Variants in SORCS1 observed in about 807,000 individuals in gnomAD.
SORCS1 encodes sortilin related VPS10 domain containing receptor 1.
Under a neutral mutation model 146.1 loss-of-function variants are expected in SORCS1, and 60 were observed. The ratio of observed to expected loss-of-function variants is 0.41; its 90% confidence interval spans 0.33 to 0.51. The LOEUF (loss-of-function observed/expected upper bound fraction) is 0.51, where lower values mean the gene tolerates loss of function less well. SORCS1 is among the 20% of genes least tolerant of loss of function. The probability of loss-of-function intolerance (pLI) is 0.21; values close to 1 mark genes in which losing one functional copy is unlikely to be tolerated. For synonymous variants in SORCS1, 637 were observed against 584.0 expected (o/e 1.09, Z -1.31); for missense variants, 1,352 against 1,487.6 (o/e 0.91, Z 1.50).
intron 1 of SORCS1, among the ~76,000 whole-genome samples, chr10:107,083,242 T>C (rs926402149): frequency 4.1e-4 from 63 of 152,226 alleles, no homozygotes; most frequent in African/African-American, 1.5e-3. Context: ...CCTCTGTCTC[T>C]GAGGAGAACT....
At chr10:106,874,441 C>T (rs1163619117) in intron 2 of SORCS1, among the ~76,000 whole-genome samples, 1 of 152,192 alleles carries the variant, frequency 6.6e-6, no homozygotes, top group Non-Finnish European at 1.5e-5. Context: ...ATGACAGACA[C>T]TGTTTTGGTT....
At chr10:107,167,777 T>A (rs370395274), upstream of SORCS1, among the ~76,000 whole-genome samples, 1 of 151,934 alleles carries the variant, frequency 6.6e-6, no homozygotes, top group Non-Finnish European at 1.5e-5. Flanking sequence ...TTATATACAA[T>A]ATAAACATAT....
At chr10:106,751,539 T>A (rs1858240117) in intron 5 of SORCS1, among the ~76,000 whole-genome samples, 1 of 152,190 alleles carries the variant, frequency 6.6e-6, no homozygotes, top group Admixed American at 6.5e-5. Context: ...TTGCTTGAAT[T>A]TCTCTGGTTA....
chr10:107,027,935 G>C (rs547482383), intron 1 of SORCS1, among the ~76,000 whole-genome samples: 62 of 152,204 alleles, frequency 4.1e-4, no homozygotes, highest in Non-Finnish European at 5.6e-4. Flanking sequence ...TCTCTACCTG[G>C]TGTCTGGCAC....
intron 2 of SORCS1, among the ~76,000 whole-genome samples, chr10:106,913,770 C>T (rs558616581): frequency 1.2e-4 from 18 of 152,286 alleles, no homozygotes; most frequent in African/African-American, 4.1e-4. Context: ...CAGGGTGAAG[C>T]CCCCAGAGCA....
chr10:106,624,397 G>A (rs926241797), intron 19 of SORCS1, among the ~76,000 whole-genome samples: 1 of 110,356 alleles, frequency 9.1e-6, no homozygotes, highest in Non-Finnish European at 1.7e-5. Context: ...GTTTCGCTCT[G>A]TCACCCAGAC....
At chr10:106,721,782 G>A (rs1243674130) in intron 6 of SORCS1, among the ~76,000 whole-genome samples, 1 of 152,186 alleles carries the variant, frequency 6.6e-6, no homozygotes, top group Non-Finnish European at 1.5e-5. Context: ...GAGCTTGAAT[G>A]CGGACTAACC....
At chr10:106,967,851 G>A (rs897089798) in intron 1 of SORCS1, among the ~76,000 whole-genome samples, 1 of 151,812 alleles carries the variant, frequency 6.6e-6, no homozygotes, top group African/African-American at 2.4e-5. Context: ...GTTTAGAGCT[G>A]TAAAACAATA....
chr10:106,665,485 G>C (rs891237767), intron 17 of SORCS1, among the ~76,000 whole-genome samples: 2 of 151,100 alleles, frequency 1.3e-5, no homozygotes, highest in African/African-American at 4.9e-5. Flanking sequence ...AGCCTCCTGA[G>C]TAGCAGGGAC....
At chr10:106,806,737 C>G (rs563144558) in intron 3 of SORCS1, among the ~76,000 whole-genome samples, 38 of 151,808 alleles carry the variant, frequency 2.5e-4, no homozygotes, top group East Asian at 1.6e-3. Flanking sequence ...GGATGGTCTC[C>G]ACCTCCTGAC....
intron 1 of SORCS1, among the ~76,000 whole-genome samples, chr10:107,005,432 T>TA (rs1175576349): frequency 6.6e-6 from 1 of 152,170 alleles, no homozygotes; most frequent in Admixed American, 6.5e-5. Flanking sequence ...TGTGGAATCA[T>TA]ATAGATATGA....
chr10:106,933,435 C>T (rs1342474055), intron 2 of SORCS1, among the ~76,000 whole-genome samples: 2 of 152,154 alleles, frequency 1.3e-5, no homozygotes, highest in Admixed American at 1.3e-4. Flanking sequence ...TAGCATATTT[C>T]CAGGCTTAGG....
chr10:107,033,166 C>A (rs905025626), intron 1 of SORCS1, among the ~76,000 whole-genome samples: 2 of 152,108 alleles, frequency 1.3e-5, no homozygotes, highest in South Asian at 4.2e-4. Context: ...TTCTCACAGC[C>A]AGCAGGAAAG....
chr10:106,768,708 C>T (rs776545281), intron 4 of SORCS1, among the ~76,000 whole-genome samples: 17 of 152,180 alleles, frequency 1.1e-4, no homozygotes, highest in Admixed American at 3.3e-4. Context: ...TGTAGCTCTG[C>T]GTACTGGAAA....
chr10:106,606,647 C>T (rs1312224192), intron 23 of SORCS1, among the ~76,000 whole-genome samples: 1 of 152,078 alleles, frequency 6.6e-6, no homozygotes, highest in Admixed American at 6.6e-5. Flanking sequence ...ATAATTTAGC[C>T]GTTCCCTGCT....
At chr10:107,031,634 C>T (rs1958663533) in intron 1 of SORCS1, among the ~76,000 whole-genome samples, 1 of 151,192 alleles carries the variant, frequency 6.6e-6, no homozygotes, top group Non-Finnish European at 1.5e-5. Context: ...AATAGGGTCT[C>T]ACTTTGTCAC....
At chr10:106,779,296 G>A (rs925104394) in intron 3 of SORCS1, among the ~76,000 whole-genome samples, 1 of 151,928 alleles carries the variant, frequency 6.6e-6, no homozygotes, top group East Asian at 1.9e-4. Flanking sequence ...TTAAATTTCT[G>A]TTCAATTCTA....
intron 1 of SORCS1, among the ~76,000 whole-genome samples, chr10:107,106,816 G>A (rs562361824): frequency 7.2e-5 from 11 of 152,146 alleles, no homozygotes; most frequent in East Asian, 1.9e-4. Flanking sequence ...CAGAACCTTC[G>A]TAAATGGGAT....
intron 1 of SORCS1, among the ~76,000 whole-genome samples, chr10:107,064,380 T>C (rs1961539216): frequency 2.0e-5 from 3 of 152,184 alleles, no homozygotes; most frequent in Admixed American, 2.0e-4. Flanking sequence ...CTCAAAGATA[T>C]ACTTTTCCTA....
Sources: allele counts gnomAD v4.1 joint callset (sites outside exome capture counted in the v4.1 genomes callset), GRCh38; gene constraint gnomAD v4.1.1; transcripts MANE v1.5; gene names NCBI Gene and HGNC (gene_info 2026-07-23, HGNC 2026-07-21).